DHRSX: variants seen among roughly 807,000 people sequenced by gnomAD.
DHRSX encodes polyprenol dehydrogenase.
Under a neutral mutation model 34.0 loss-of-function variants are expected in DHRSX, and 31 were observed. The observed-to-expected ratio is 0.91, with a 90% CI of 0.69 to 1.23. The LOEUF (loss-of-function observed/expected upper bound fraction) is 1.23. Ranked by LOEUF, DHRSX falls within the 50% of genes most tolerant of loss-of-function variation. The pLI is 0.00. For missense variants in DHRSX, 414 were observed against 428.1 expected, an observed-to-expected ratio of 0.97 and a Z score of 0.29; for synonymous variants, 201 against 183.8, an observed-to-expected ratio of 1.09 and a Z score of -0.76.
chrX:2,360,694 G>A lies in DHRSX; in HGVS notation c.286+48051C>T, dbSNP rs772149514. 6.6e-5 allele frequency among the ~76,000 whole-genome samples: 10 copies of A among 151,922 alleles called. No homozygotes were observed. The East Asian group carries it at 7.7e-4, about 12-fold the overall frequency. ...AGGATGGTAATGGAGCCAGGTTATC[G>A]CCAAGTTTGGTAAGAACATCCTTGC... On this transcript the variant is annotated intron_variant, in intron 3 of 6. Coordinates refer to ENST00000334651, the MANE Select transcript of DHRSX (RefSeq NM_145177.3).
At chrX:2,359,249 G>A (rs1401581665) in intron 3 of DHRSX, among the ~76,000 whole-genome samples, 1 of 152,092 alleles carries the variant, frequency 6.6e-6, no homozygotes, top group African/African-American at 2.4e-5. Flanking sequence ...CCCATGCCTG[G>A]GTATATACCC....
intron 3 of DHRSX, among the ~76,000 whole-genome samples, chrX:2,336,840 T>G (rs1177036188): frequency 1.4e-5 from 1 of 72,836 alleles, no homozygotes; most frequent in Non-Finnish European, 4.0e-5. Flanking sequence ...CTAAGATAGA[T>G]AGATAGATAT....
chrX:2,467,334 G>A (rs746592050), intron 1 of DHRSX, among the ~76,000 whole-genome samples: 91 of 152,028 alleles, frequency 6.0e-4, no homozygotes, highest in African/African-American at 2.1e-3. Flanking sequence ...ACAGCTTAGC[G>A]TCCACTGCAA....
intron 3 of DHRSX, among the ~76,000 whole-genome samples, chrX:2,365,933 G>A: frequency 6.6e-6 from 1 of 152,250 alleles, no homozygotes; most frequent in East Asian, 1.9e-4. Context: ...TCTAGGAACA[G>A]TTCACTGAAC....
chrX:2,241,896 C>G (rs1387649521), intron 6 of DHRSX, among the ~76,000 whole-genome samples: 1 of 152,020 alleles, frequency 6.6e-6, no homozygotes, highest in Non-Finnish European at 1.5e-5. Context: ...CAACACAGAA[C>G]GAAACTCCGT....
intron 2 of DHRSX, among the ~76,000 whole-genome samples, chrX:2,416,968 C>G (rs964884609): frequency 3.4e-4 from 52 of 152,066 alleles, no homozygotes; most frequent in Non-Finnish European, 6.2e-4. Context: ...GACTTTGAAT[C>G]AAACTGCCAT....
chrX:2,314,750 G>C (rs2042221962), intron 3 of DHRSX, among the ~76,000 whole-genome samples: 1 of 152,032 alleles, frequency 6.6e-6, no homozygotes, highest in Non-Finnish European at 1.5e-5. Context: ...CCTTTAGATA[G>C]GAATTTGGGC....
At chrX:2,428,113 GGGT>G (rs1257410923) in intron 1 of DHRSX, among the ~76,000 whole-genome samples, 2 of 152,134 alleles carry the variant, frequency 1.3e-5, no homozygotes, top group African/African-American at 2.4e-5. Flanking sequence ...AAGTCTCACA[GGGT>G]GGGATGGGAT....
At chrX:2,296,458 G>C (rs183218523) in intron 3 of DHRSX, among the ~76,000 whole-genome samples, 3,706 of 150,968 alleles carry the variant, frequency 0.025, 187 homozygotes, top group African/African-American at 0.086. Flanking sequence ...GCATAGACCC[G>C]AGGCAGACAG....
chrX:2,304,123 A>AAATGGATGGATGGATG (rs1430718496), intron 3 of DHRSX, among the ~76,000 whole-genome samples: 36 of 22,506 alleles, frequency 1.6e-3, no homozygotes, highest in Admixed American at 4.2e-3. Flanking sequence ...ATGGATGGAT[A>AAATGGATGGATGGATG]AATGGATGGA....
chrX:2,286,471 T>C (rs770264469), intron 4 of DHRSX, among the ~76,000 whole-genome samples: 12 of 152,280 alleles, frequency 7.9e-5, no homozygotes, highest in Middle Eastern at 3.4e-3. Flanking sequence ...CAGCTTTCCA[T>C]CCACCCTGGG....
At chrX:2,259,401 TATATAG>T (rs1284944171) in intron 5 of DHRSX, among the ~76,000 whole-genome samples, 1 of 128,864 alleles carries the variant, frequency 7.8e-6, no homozygotes, top group African/African-American at 2.9e-5. Context: ...TATAGATATA[TATATAG>T]ATATAGATAT....
intron 3 of DHRSX, among the ~76,000 whole-genome samples, chrX:2,331,424 G>A (rs1175211958): frequency 1.7e-5 from 2 of 116,376 alleles, no homozygotes; most frequent in Admixed American, 1.8e-4. Context: ...ATCCTTTCAG[G>A]AAGGTTTTTT....
intron 1 of DHRSX, among the ~76,000 whole-genome samples, chrX:2,491,234 T>C (rs2045135510): frequency 6.6e-6 from 1 of 152,102 alleles, no homozygotes; most frequent in East Asian, 1.9e-4. Context: ...CACGCCTGGC[T>C]AATTTTTGTA....
At chrX:2,484,334 G>A (rs562427492) in intron 1 of DHRSX, among the ~76,000 whole-genome samples, 3 of 152,228 alleles carry the variant, frequency 2.0e-5, no homozygotes, top group African/African-American at 4.8e-5. Context: ...TGCATGGTCC[G>A]CGGAGCCAAA....
intron 3 of DHRSX, among the ~76,000 whole-genome samples, chrX:2,406,053 G>T (rs1405432992): frequency 6.6e-6 from 1 of 152,168 alleles, no homozygotes; most frequent in Non-Finnish European, 1.5e-5. Flanking sequence ...CAACACTTTG[G>T]GAGGCTGAGG....
At chrX:2,321,510 G>A (rs2042310664) in intron 3 of DHRSX, among the ~76,000 whole-genome samples, 2 of 151,964 alleles carry the variant, frequency 1.3e-5, no homozygotes, top group South Asian at 4.2e-4. Flanking sequence ...GTGAAGGTGG[G>A]ATCCTTATGT....
chrX:2,227,382 A>C (rs188723917), intron 6 of DHRSX, among the ~76,000 whole-genome samples: 4 of 151,402 alleles, frequency 2.6e-5, no homozygotes, highest in Admixed American at 2.0e-4. Flanking sequence ...GAAATAGAGA[A>C]AGGAATTAAG....
At chrX:2,237,224 C>T (rs781261833) in intron 6 of DHRSX, among the ~76,000 whole-genome samples, 1 of 152,150 alleles carries the variant, frequency 6.6e-6, no homozygotes, top group East Asian at 1.9e-4. Context: ...GTACCTGCAT[C>T]CTTGATTTGA....
Sources: allele counts gnomAD v4.1 joint callset (sites outside exome capture counted in the v4.1 genomes callset), GRCh38; gene constraint gnomAD v4.1.1; transcripts MANE v1.5; gene names NCBI Gene and HGNC (gene_info 2026-07-23, HGNC 2026-07-21).